The following MAP2K4 variants were observed in gnomAD, a reference collection of about 807,000 sequenced individuals.
MAP2K4 encodes the protein dual specificity mitogen-activated protein kinase kinase 4.
MAP2K4 carries 4 observed loss-of-function variants against 48.5 expected under a neutral mutation model. The observed-to-expected ratio is 0.08, with a 90% CI of 0.04 to 0.19. MAP2K4 has a LOEUF of 0.19. MAP2K4 is among the 10% of genes least tolerant of loss of function. The pLI is 1.00. For synonymous variants in MAP2K4, 166 were observed against 173.1 expected (o/e 0.96, Z 0.32); for missense variants, 258 against 493.3 (o/e 0.52, Z 4.52).
chr17:12,039,273 A>G (rs879803197), intron 1 of MAP2K4, among the ~76,000 whole-genome samples: 4 of 152,244 alleles, frequency 2.6e-5, no homozygotes, highest in Non-Finnish European at 5.9e-5. Flanking sequence ...TTGTGAGGAC[A>G]GACTGTGTAC....
chr17:12,037,151 G>A lies in MAP2K4; in HGVS notation c.115+16150G>A, dbSNP rs989816415. On this transcript the variant is annotated intron_variant, in intron 1 of 10. Coordinates refer to ENST00000353533, the MANE Select transcript of MAP2K4 (RefSeq NM_003010.4). ...GAATTGAAATTAGAGTACAGGTGGC[G>A]GTGGTTTTTGGTGGCACTGCACATC... 6.6e-5 allele frequency among the ~76,000 whole-genome samples: 10 copies of A among 152,126 alleles called. 1 individual carries two copies. The South Asian group carries it at 1.7e-3, about 25-fold the overall frequency.
chr17:12,033,640 C>T (rs557807282), intron 1 of MAP2K4, among the ~76,000 whole-genome samples: 1 of 152,018 alleles, frequency 6.6e-6, no homozygotes. Flanking sequence ...TGATATATAT[C>T]TATATGAAAT....
chr17:12,039,669 C>T (rs1969714777), intron 1 of MAP2K4, among the ~76,000 whole-genome samples: 1 of 152,136 alleles, frequency 6.6e-6, no homozygotes, highest in South Asian at 2.1e-4. Context: ...GATAGCTACT[C>T]AATGTTCACA....
Position 12,142,724 on chromosome 17 carries a change from A to AC in MAP2K4, c.*1465dup, listed in dbSNP as rs1454261804. On this transcript the variant is annotated 3_prime_UTR_variant, in exon 11 of 11. Transcript: ENST00000353533. The stretch of plus-strand genomic sequence containing the variant: ...GCAAAACAAAACCCTCAGCACTGTT[A>AC]CAAGAGGCCATTTAAGTATCTTGTG... 4.7e-5 allele frequency: 11 copies of AC among 233,090 alleles called. No individual in the cohort carries two copies. Among genetic ancestry groups the AC allele is most frequent in the African/African-American group, 2.2e-4 (10 of 45,466 alleles). 14.4% of individuals were successfully genotyped at this position (233,090 alleles called of 1,614,324 possible).
At chr17:12,134,722 T>A (rs374370343) in intron 9 of MAP2K4, among the ~76,000 whole-genome samples, 1 of 152,108 alleles carries the variant, frequency 6.6e-6, no homozygotes, top group Non-Finnish European at 1.5e-5. Flanking sequence ...AGATAAGACT[T>A]GACAAGTTTT....
At chr17:12,115,177 G>A (rs1216688915) in intron 7 of MAP2K4, among the ~76,000 whole-genome samples, 1 of 152,192 alleles carries the variant, frequency 6.6e-6, no homozygotes, top group African/African-American at 2.4e-5. Context: ...TAAATAAAAT[G>A]TAGAGTTTAC....
intron 2 of MAP2K4, among the ~76,000 whole-genome samples, chr17:12,062,471 A>G (rs1176535167): frequency 6.6e-6 from 1 of 152,096 alleles, no homozygotes; most frequent in Non-Finnish European, 1.5e-5. Flanking sequence ...AGTAGCTGGC[A>G]CTATAGGCAT....
At chr17:12,129,715 T>C (rs1418685259) in intron 9 of MAP2K4, among the ~76,000 whole-genome samples, 2 of 152,198 alleles carry the variant, frequency 1.3e-5, no homozygotes, top group East Asian at 1.9e-4. Context: ...TGACATAACA[T>C]AGAAAACAGT....
chr17:12,040,126 A>G (rs1969732745), intron 1 of MAP2K4, among the ~76,000 whole-genome samples: 1 of 152,194 alleles, frequency 6.6e-6, no homozygotes, highest in African/African-American at 2.4e-5. Context: ...AGTGTGATCC[A>G]TATAGTGTAA....
intron 8 of MAP2K4, among the ~76,000 whole-genome samples, chr17:12,126,070 A>G (rs1265049022): frequency 2.0e-5 from 3 of 152,086 alleles, no homozygotes; most frequent in Non-Finnish European, 4.4e-5. Context: ...ATGAGACAGC[A>G]CTAGGGGGAT....
At chr17:12,112,140 A>G (rs191776461) in intron 6 of MAP2K4, among the ~76,000 whole-genome samples, 2 of 152,212 alleles carry the variant, frequency 1.3e-5, no homozygotes, top group Admixed American at 1.3e-4. Flanking sequence ...ATGAGAAGAG[A>G]TACTTCAATA....
intron 1 of MAP2K4, among the ~76,000 whole-genome samples, chr17:12,022,055 A>G (rs937624565): frequency 1.2e-4 from 18 of 152,204 alleles, no homozygotes; most frequent in Non-Finnish European, 4.4e-5. Context: ...TTGAATTATT[A>G]ACAGAATAAG....
chr17:12,081,605 GTT>G lies in MAP2K4; in HGVS notation c.393+76_393+77del. On this transcript the variant is annotated intron_variant, in intron 3 of 10. Transcript: ENST00000353533. This position sits in a 1 kb window ranked among gnomAD's most constrained non-coding sequence, Gnocchi z 4.2. ...TTCATGGTGCAGTAATACCACTGTT[GTT>G]GTGTTCCTACTTTTGTGGTAAATGT... 2 of 1,423,934 alleles carry G rather than the reference GTT, an allele frequency of 1.4e-6. No homozygotes were observed. The allele number at this position is 1,423,934 out of a possible 1,614,324, so 88.2% of individuals were successfully genotyped here.
At chr17:12,032,399 A>G (rs570603897) in intron 1 of MAP2K4, 21 of 463,106 alleles carry the variant, frequency 4.5e-5, no homozygotes, top group Non-Finnish European at 7.1e-5. Flanking sequence ...AGCCATGGCA[A>G]TTTTACATTC....
At chr17:12,091,925 T>C (rs1269764210) in intron 3 of MAP2K4, among the ~76,000 whole-genome samples, 2 of 152,166 alleles carry the variant, frequency 1.3e-5, no homozygotes, top group African/African-American at 2.4e-5. Context: ...TACTTTTTAT[T>C]ATTGGGAAAG....
chr17:12,074,696 T>C (rs1970938060), intron 2 of MAP2K4, among the ~76,000 whole-genome samples: 1 of 152,174 alleles, frequency 6.6e-6, no homozygotes, highest in Non-Finnish European at 1.5e-5. Context: ...CTGTCTCTTA[T>C]CCTGTACTCT....
At position 12,141,134 on chromosome 17, in the gene MAP2K4, A is replaced by G. The variant is rs370271147; in HGVS notation, c.1087-13A>G. ...ACAAACTTTTGACTTTTTTGTTTTC[A>G]ATTTTCTTGCAGAAACATCCCTTTA... On this transcript the variant is annotated splice_polypyrimidine_tract_variant and intron_variant, in intron 10 of 10. Transcript: ENST00000353533. The G allele has an allele frequency of 4.1e-4, 651 of 1,570,482 alleles. 2 individuals are homozygous for G. Among genetic ancestry groups the G allele is most frequent in the Non-Finnish European group, 5.3e-4 (601 of 1,140,688 alleles).
chr17:12,109,907 C>A (rs528694884), intron 5 of MAP2K4, among the ~76,000 whole-genome samples: 1 of 151,970 alleles, frequency 6.6e-6, no homozygotes, highest in East Asian at 1.9e-4. Context: ...GCAGAAGGAT[C>A]GCTTGAGCCC....
At chr17:12,046,574 G>A (rs373539755) in intron 1 of MAP2K4, among the ~76,000 whole-genome samples, 1 of 152,110 alleles carries the variant, frequency 6.6e-6, no homozygotes, top group African/African-American at 2.4e-5. Flanking sequence ...GCTGTTATTG[G>A]CTTTAAGTGA....
Sources: gnomAD v4.1 joint callset for allele counts (sites outside exome capture counted in the v4.1 genomes callset) on GRCh38, gnomAD v4.1.1 for gene constraint, Gnocchi (gnomAD v3.1) non-coding constraint, MANE v1.5 for transcripts, NCBI Gene and HGNC (gene_info 2026-07-23, HGNC 2026-07-21) for gene names.